Variants in FGF14 observed in about 807,000 individuals in gnomAD.
The protein encoded by FGF14 is fibroblast growth factor homologous factor 4.
A neutral mutation model predicts 25.5 loss-of-function variants in FGF14; 5 were observed. The ratio of observed to expected loss-of-function variants is 0.20; its 90% CI spans 0.10 to 0.41. The LOEUF (loss-of-function observed/expected upper bound fraction) is 0.41. Among genes scored for constraint, FGF14 ranks in the 10% least tolerant of loss-of-function variants. FGF14 has a pLI of 1.00. For synonymous variants in FGF14, 138 were observed against 118.3 expected (o/e 1.17, Z -1.08); for missense variants, 222 against 320.1 (o/e 0.69, Z 2.34).
At chr13:102,275,879 C>T (rs959094738) in intron 1 of FGF14, among the ~76,000 whole-genome samples, 2 of 152,116 alleles carry the variant, frequency 1.3e-5, no homozygotes, top group African/African-American at 2.4e-5. Flanking sequence ...AATGAGACCA[C>T]TGACTGATCT....
intron 3 of FGF14, among the ~76,000 whole-genome samples, chr13:101,791,066 TG>T (rs139208547): frequency 0.039 from 5,900 of 152,270 alleles, 180 homozygotes; most frequent in African/African-American, 0.069. Context: ...TAGCTCTTTT[TG>T]TAAGTGGCTG....
intron 1 of FGF14, among the ~76,000 whole-genome samples, chr13:102,335,063 A>T (rs2056752759): frequency 6.6e-6 from 1 of 152,142 alleles, no homozygotes; most frequent in Non-Finnish European, 1.5e-5. Flanking sequence ...CTATAATTGC[A>T]TATCCATATT....
chr13:101,750,135 C>T (rs937393858), intron 3 of FGF14, among the ~76,000 whole-genome samples: 1 of 152,050 alleles, frequency 6.6e-6, no homozygotes, highest in Non-Finnish European at 1.5e-5. Flanking sequence ...AACTGTGAGA[C>T]ATATATTTCT....
At chr13:102,274,832 C>T (rs1278525525) in intron 1 of FGF14, among the ~76,000 whole-genome samples, 1 of 151,686 alleles carries the variant, frequency 6.6e-6, no homozygotes, top group Non-Finnish European at 1.5e-5. Flanking sequence ...ATGTAGAAAC[C>T]ATGCCCATAT....
chr13:102,380,839 G>A (rs1158414622), intron 1 of FGF14, among the ~76,000 whole-genome samples: 1 of 152,080 alleles, frequency 6.6e-6, no homozygotes, highest in Non-Finnish European at 1.5e-5. Context: ...AATAAACACA[G>A]ATAAAGAGTC....
rs2034703773 is a variant in FGF14, at chr13:101,715,982, C to T, written c.*6849G>A. 3.6e-6 allele frequency: 1 copy of T among 279,986 alleles called. No individual in the cohort carries two copies. The highest frequency in any genetic ancestry group is 6.9e-6 in the Non-Finnish European group (1 of 144,276). 17.3% of individuals were successfully genotyped at this position (279,986 alleles called of 1,614,324 possible). Reference sequence around the variant, plus strand: ...GTCGGGTAGGAAGGTATGCTGCAGACATTTGGTGGGTAGAGGCCAGGGATG... The same window carrying T: ...GTCGGGTAGGAAGGTATGCTGCAGATATTTGGTGGGTAGAGGCCAGGGATG... On this transcript the variant is annotated 3_prime_UTR_variant, in exon 5 of 5. Coordinates refer to ENST00000376143, the MANE Select transcript of FGF14 (RefSeq NM_004115.4).
intron 3 of FGF14, among the ~76,000 whole-genome samples, chr13:101,740,993 G>A (rs572783144): frequency 8.5e-5 from 13 of 152,212 alleles, no homozygotes; most frequent in East Asian, 1.9e-4. Context: ...AAAAGTCCCC[G>A]GTCAGTAAGC....
At chr13:102,148,910 C>CT (rs1481673289) in intron 1 of FGF14, among the ~76,000 whole-genome samples, 1 of 152,202 alleles carries the variant, frequency 6.6e-6, no homozygotes, top group African/African-American at 2.4e-5. Context: ...TTTGTGATCA[C>CT]TGACCAGCGC....
intron 1 of FGF14, among the ~76,000 whole-genome samples, chr13:102,372,589 G>A (rs1448277227): frequency 6.6e-6 from 1 of 151,994 alleles, no homozygotes; most frequent in Non-Finnish European, 1.5e-5. Context: ...GTTTACCCAT[G>A]TGCTGTGGCA....
intron 1 of FGF14, among the ~76,000 whole-genome samples, chr13:101,925,452 A>C (rs908390896): frequency 6.6e-6 from 1 of 152,200 alleles, no homozygotes; most frequent in African/African-American, 2.4e-5. Context: ...CTCTGGGGAC[A>C]ACTGGTACTT....
intron 3 of FGF14, among the ~76,000 whole-genome samples, chr13:101,769,883 A>G (rs1037248861): frequency 9.2e-5 from 14 of 152,186 alleles, no homozygotes; most frequent in Non-Finnish European, 1.8e-4. Flanking sequence ...AATCATGGAT[A>G]CATGTCATCA....
At chr13:101,769,673 C>G (rs964214048) in intron 3 of FGF14, among the ~76,000 whole-genome samples, 2 of 152,064 alleles carry the variant, frequency 1.3e-5, no homozygotes, top group African/African-American at 4.8e-5. Context: ...AATAAACTTA[C>G]GTGTGTATTA....
intron 3 of FGF14, among the ~76,000 whole-genome samples, chr13:101,825,043 G>A (rs983109046): frequency 6.6e-6 from 1 of 152,002 alleles, no homozygotes; most frequent in African/African-American, 2.4e-5. Context: ...GTAATAAATC[G>A]GCCATTGGTA....
chr13:101,959,060 G>T (rs1355320181), intron 1 of FGF14, among the ~76,000 whole-genome samples: 1 of 152,134 alleles, frequency 6.6e-6, no homozygotes, highest in Admixed American at 6.5e-5. Context: ...TTCTAATGCA[G>T]CAGATGACTT....
chr13:101,798,406 C>A (rs550741249), intron 3 of FGF14, among the ~76,000 whole-genome samples: 5 of 152,056 alleles, frequency 3.3e-5, no homozygotes, highest in Non-Finnish European at 5.9e-5. Flanking sequence ...ACTATCTTAA[C>A]GATGAAGTAG....
At chr13:101,797,101 T>C (rs1389238055) in intron 3 of FGF14, among the ~76,000 whole-genome samples, 2 of 152,142 alleles carry the variant, frequency 1.3e-5, no homozygotes, top group African/African-American at 4.8e-5. Context: ...ATTAGAATTA[T>C]AATACCCACC....
chr13:102,223,998 G>A (rs554238903), intron 1 of FGF14, among the ~76,000 whole-genome samples: 1 of 152,216 alleles, frequency 6.6e-6, no homozygotes, highest in South Asian at 2.1e-4. Context: ...TGAGAGATAC[G>A]TCTCTACAGC....
At chr13:102,006,137 G>A (rs184533074) in intron 1 of FGF14, among the ~76,000 whole-genome samples, 41 of 152,274 alleles carry the variant, frequency 2.7e-4, no homozygotes, top group Non-Finnish European at 5.3e-4. Flanking sequence ...CTGTCATTAA[G>A]AAGTTTAAAA....
At chr13:102,070,205 C>T (rs186305743) in intron 1 of FGF14, among the ~76,000 whole-genome samples, 1 of 152,184 alleles carries the variant, frequency 6.6e-6, no homozygotes, top group Non-Finnish European at 1.5e-5. Flanking sequence ...AATCTGATTA[C>T]AAAATGGGCA....
Sources: allele counts gnomAD v4.1 joint callset (sites outside exome capture counted in the v4.1 genomes callset), GRCh38; gene constraint gnomAD v4.1.1; transcripts MANE v1.5; gene names NCBI Gene and HGNC (gene_info 2026-07-23, HGNC 2026-07-21).